Variants in LRRN3 observed in about 807,000 individuals in gnomAD.
The protein encoded by LRRN3 is leucine rich repeat neuronal 3.
In LRRN3, 15 loss-of-function variants were observed where a neutral mutation model predicts 40.1. That is an observed-to-expected ratio of 0.37 (90% CI 0.25 to 0.58). LRRN3 has a LOEUF of 0.58. LRRN3 is among the 20% of genes least tolerant of loss of function. The pLI is 0.72. For synonymous variants in LRRN3, 308 were observed against 297.2 expected (o/e 1.04, Z -0.37); for missense variants, 746 against 837.7 (o/e 0.89, Z 1.35).
intron 1 of LRRN3, among the ~76,000 whole-genome samples, chr7:111,097,976 A>G (rs1797584270): frequency 6.6e-6 from 1 of 151,842 alleles, no homozygotes; most frequent in African/African-American, 2.4e-5. Flanking sequence ...GCGAAAAGAG[A>G]ATTGTGTCTA....
In LRRN3 at chr7:111,124,777, C is replaced by G. The variant is rs1331832498; in HGVS notation, c.2005C>G (p.Pro669Ala). Reference protein sequence around the residue: ...HSYVRNYLQKPTFALGELYPP... With the variant: ...HSYVRNYLQKATFALGELYPP... ...CTATGTGAGGAATTACTTACAGAAACCAACCTTTGCATTAGGTGAGCTTTA... is the reference window on the plus strand; with the variant it reads ...CTATGTGAGGAATTACTTACAGAAAGCAACCTTTGCATTAGGTGAGCTTTA... The change falls in exon 3 of 3, where the codon CCA becomes GCA. Residue 669 changes from proline (P) to alanine (A), a missense_variant. Pro to Ala is a conservative substitution (Grantham distance 27, BLOSUM62 -1). Coordinates refer to ENST00000308478, the MANE Select transcript of LRRN3 (RefSeq NM_001099658.2). The G allele has an allele frequency of 6.2e-7, 1 of 1,613,672 alleles. No individual in the cohort carries two copies. The highest frequency in any genetic ancestry group is 8.5e-7 in the Non-Finnish European group (1 of 1,179,966).
chr7:111,114,131 TCTA>T (rs1296810673), intron 2 of LRRN3, among the ~76,000 whole-genome samples: 1 of 145,224 alleles, frequency 6.9e-6, no homozygotes, highest in Admixed American at 6.7e-5. Flanking sequence ...TACACATAAA[TCTA>T]CACACACACA....
At position 111,124,088 on chromosome 7, in the gene LRRN3, A is replaced by T; in HGVS notation, c.1316A>T (p.Tyr439Phe). The change falls in exon 3 of 3, where the codon TAT (tyrosine) becomes TTT (phenylalanine). Residue 439 changes from tyrosine to phenylalanine, a missense_variant. Physicochemically the swap from Tyr to Phe is conservative, Grantham distance 22. Transcript: ENST00000308478. The part of the protein sequence containing the change: ...PSNLNVEAGS[Y>F]VSFHCRATAE... The stretch of plus-strand genomic sequence containing the variant: ...AATCTAAATGTAGAAGCTGGGAGCT[A>T]TGTTTCCTTTCACTGTAGAGCTACT... 6.2e-7 allele frequency: 1 copy of T among 1,613,978 alleles called. No homozygotes were observed. The highest frequency in any genetic ancestry group is 1.1e-5 in the South Asian group (1 of 91,082).
In LRRN3 at chr7:111,124,911, G is replaced by T; in HGVS notation, c.*12G>T. ...CAAATATGTCCTAAAAACCACCAAG[G>T]AAACCTACTCCAAAAATGAACAAAA... is the stretch of plus-strand genomic sequence containing the variant. On this transcript the variant is annotated 3_prime_UTR_variant, in exon 3 of 3. Transcript: ENST00000308478. 7.3e-7 allele frequency: 1 copy of T among 1,374,006 alleles called. No individual in the cohort carries two copies. The allele number at this position is 1,374,006 out of a possible 1,614,324, so 85.1% of individuals were successfully genotyped here.
At chr7:111,105,312 G>A (rs1298446105) in intron 2 of LRRN3, among the ~76,000 whole-genome samples, 1 of 151,796 alleles carries the variant, frequency 6.6e-6, no homozygotes, top group Non-Finnish European at 1.5e-5. Flanking sequence ...AGTTATTTCA[G>A]TTAACATCAT....
intron 1 of LRRN3, among the ~76,000 whole-genome samples, chr7:111,092,142 TG>T (rs1796937116): frequency 6.6e-6 from 1 of 152,156 alleles, no homozygotes; most frequent in African/African-American, 2.4e-5. Context: ...TCTTACGGAC[TG>T]GGGTAAATGA....
At chr7:111,102,155 T>A (rs1289177436) in intron 2 of LRRN3, among the ~76,000 whole-genome samples, 1 of 151,536 alleles carries the variant, frequency 6.6e-6, no homozygotes, top group Non-Finnish European at 1.5e-5. Context: ...TTAGGTCACT[T>A]GTTCAAAGTG....
At chr7:111,111,623 C>A (rs974933128) in intron 2 of LRRN3, among the ~76,000 whole-genome samples, 3 of 152,006 alleles carry the variant, frequency 2.0e-5, no homozygotes, top group Non-Finnish European at 4.4e-5. Context: ...CACCATAAAG[C>A]TCTTACGAAC....
chr7:111,111,403 C>T (rs530811561), intron 2 of LRRN3, among the ~76,000 whole-genome samples: 17 of 136,050 alleles, frequency 1.2e-4, no homozygotes, highest in African/African-American at 4.5e-4. Flanking sequence ...TGCTTTCCAT[C>T]CCCCCCCAAA....
intron 2 of LRRN3, among the ~76,000 whole-genome samples, chr7:111,113,067 T>C (rs1191849399): frequency 6.6e-6 from 1 of 152,194 alleles, no homozygotes. Flanking sequence ...GAAAGTGAAC[T>C]ACCCAGAAAC....
intron 1 of LRRN3, among the ~76,000 whole-genome samples, chr7:111,096,448 C>A (rs1372722660): frequency 6.7e-6 from 1 of 150,272 alleles, no homozygotes; most frequent in Non-Finnish European, 1.5e-5. Flanking sequence ...TAGATTCTTG[C>A]AAATTAAAAT....
chr7:111,123,316 A>G lies in LRRN3; in HGVS notation c.544A>G (p.Lys182Glu). 6.2e-7 allele frequency: 1 copy of G among 1,613,836 alleles called. No individual in the cohort carries two copies. Among genetic ancestry groups the G allele is most frequent in the South Asian group, 1.1e-5 (1 of 91,056 alleles). Residue 182 changes from lysine to glutamate, a missense_variant, in exon 3 of 3, where the codon AAG (lysine) becomes GAG (glutamate). Transcript: ENST00000308478. This position sits in a 1 kb window ranked among gnomAD's most constrained non-coding sequence, Gnocchi z 6.4. ...NSNRLQMINS[K>E]WFDALPNLEI... Reference sequence around the variant, plus strand: ...AAATAGATTGCAGATGATCAACAGTAAGTGGTTTGATGCTCTTCCAAATCT... The same window carrying G: ...AAATAGATTGCAGATGATCAACAGTGAGTGGTTTGATGCTCTTCCAAATCT...
At chr7:111,119,506 T>C (rs1225199599) in intron 2 of LRRN3, among the ~76,000 whole-genome samples, 2 of 152,202 alleles carry the variant, frequency 1.3e-5, no homozygotes, top group African/African-American at 2.4e-5. Context: ...AGATTAACTT[T>C]TCTCTTAAAG....
Position 111,105,504 on chromosome 7 carries a change from G to A in LRRN3, c.-359+5542G>A, listed in dbSNP as rs529174888. ...CTTACTGACGGACAATTTACATCTG[G>A]TTTGCTCCCTTATTCTGCAAATCAC... On this transcript the variant is annotated intron_variant, in intron 2 of 2. Coordinates refer to ENST00000308478, the MANE Select transcript of LRRN3 (RefSeq NM_001099658.2). Among the ~76,000 whole-genome samples, 4 of 151,964 alleles carry A rather than the reference G, an allele frequency of 2.6e-5. No homozygotes were observed. The East Asian group carries it at 7.7e-4, about 29-fold the overall frequency.
intron 1 of LRRN3, among the ~76,000 whole-genome samples, chr7:111,094,767 A>C (rs1195143811): frequency 6.6e-6 from 1 of 152,136 alleles, no homozygotes; most frequent in African/African-American, 2.4e-5. Context: ...ACATGATAAC[A>C]ATTATTTCTT....
intron 1 of LRRN3, chr7:111,096,898 T>C (rs1424250122): frequency 1.3e-5 from 2 of 151,962 alleles, no homozygotes; most frequent in Non-Finnish European, 2.9e-5. Flanking sequence ...GCCAGTAAAC[T>C]TACATACATT....
intron 2 of LRRN3, among the ~76,000 whole-genome samples, chr7:111,105,488 G>A (rs1010537352): frequency 1.3e-5 from 2 of 151,794 alleles, no homozygotes; most frequent in Non-Finnish European, 2.9e-5. Flanking sequence ...ACTTACTGAC[G>A]GACAATTTAC....
intron 2 of LRRN3, among the ~76,000 whole-genome samples, chr7:111,114,561 C>A (rs943146326): frequency 2.7e-4 from 41 of 151,786 alleles, no homozygotes; most frequent in Admixed American, 2.2e-3. Flanking sequence ...CATGGTGAAA[C>A]CCCATCTGTA....
At chr7:111,095,577 T>A (rs2129578665) in intron 1 of LRRN3, among the ~76,000 whole-genome samples, 1 of 152,162 alleles carries the variant, frequency 6.6e-6, no homozygotes, top group South Asian at 2.1e-4. Flanking sequence ...ATCATTTGAA[T>A]ATAGTTTACC....
Sources: gnomAD v4.1 joint callset for allele counts (sites outside exome capture counted in the v4.1 genomes callset) on GRCh38, gnomAD v4.1.1 for gene constraint, Gnocchi (gnomAD v3.1) non-coding constraint, MANE v1.5 for transcripts, NCBI Gene and HGNC (gene_info 2026-07-23, HGNC 2026-07-21) for gene names.